The following ENPP3 variants were observed in gnomAD, a reference collection of about 807,000 sequenced individuals.
ENPP3 encodes the protein ectonucleotide pyrophosphatase/phosphodiesterase family member 3.
Under a neutral mutation model 117.8 loss-of-function variants are expected in ENPP3, and 104 were observed. The observed-to-expected ratio is 0.88, with a 90% CI of 0.75 to 1.04. The LOEUF (loss-of-function observed/expected upper bound fraction) is 1.04. Among genes scored for constraint, ENPP3 ranks in the 50% least tolerant of loss-of-function variants. The pLI, the probability that ENPP3 is intolerant of heterozygous loss-of-function variation, is 0.00. For synonymous variants in ENPP3, 380 were observed against 349.9 expected (o/e 1.09, Z -0.96); for missense variants, 1,026 against 1,051.9 (o/e 0.98, Z 0.34).
chr6:131,730,914 C>CAAA (rs528990087), intron 20 of ENPP3, among the ~76,000 whole-genome samples: 1,401 of 98,106 alleles, frequency 0.014, 17 homozygotes, highest in African/African-American at 0.036. Context: ...GACTCCATCT[C>CAAA]AAAAAAAAAA....
chr6:131,688,896 C>CAAAAAAAA (rs34743742), intron 14 of ENPP3, among the ~76,000 whole-genome samples: 1 of 88,298 alleles, frequency 1.1e-5, no homozygotes, highest in African/African-American at 3.6e-5. Context: ...ACTAAAAATC[C>CAAAAAAAA]AAAAAAAAAA....
Position 131,693,495 on chromosome 6 carries a change from A to G in ENPP3, c.1285-2A>G. The stretch of plus-strand genomic sequence containing the variant: ...ATAAAGAAATATTTACTTGCTTTTC[A>G]GTGCCGAAAACCTGATCAGCATTTC... On this transcript the variant is annotated splice_acceptor_variant, in intron 14 of 24. Coordinates refer to ENST00000357639, the MANE Select transcript of ENPP3 (RefSeq NM_005021.5). LOFTEE classifies it high-confidence loss of function. The G allele has an allele frequency of 6.2e-7, 1 of 1,608,734 alleles. No individual in the cohort carries two copies. Among genetic ancestry groups the G allele is most frequent in the Non-Finnish European group, 8.5e-7 (1 of 1,178,114 alleles).
Position 131,637,366 on chromosome 6 carries a change from C to G in ENPP3, c.-19C>G, listed in dbSNP as rs186368204. The G allele has an allele frequency of 4.9e-4, 761 of 1,542,434 alleles. 4 individuals carry two copies. The highest frequency in any genetic ancestry group is 3.6e-5 in the Non-Finnish European group (41 of 1,135,518). ...ACTAATTTATTCTGATAAAACAGGT[C>G]TATGCAGCTACCAGGACAATGGAAT... On this transcript the variant is annotated 5_prime_UTR_variant, in exon 1 of 25. Transcript: ENST00000357639.
chr6:131,724,864 A>G (rs1391964781), intron 19 of ENPP3, among the ~76,000 whole-genome samples: 2 of 151,808 alleles, frequency 1.3e-5, no homozygotes, highest in African/African-American at 2.4e-5. Context: ...GTCCATTCCA[A>G]TTGCTATTAG....
At chr6:131,667,132 C>A (rs1358627143) in intron 6 of ENPP3, among the ~76,000 whole-genome samples, 1 of 151,146 alleles carries the variant, frequency 6.6e-6, no homozygotes, top group Non-Finnish European at 1.5e-5. Context: ...GGTCGTGGGG[C>A]TTTTTTTTTC....
intron 15 of ENPP3, among the ~76,000 whole-genome samples, chr6:131,707,250 A>G (rs1779663224): frequency 6.6e-6 from 1 of 150,950 alleles, no homozygotes; most frequent in African/African-American, 2.4e-5. Context: ...ATATTCCTTG[A>G]TAGTCCTTTG....
chr6:131,700,612 C>T, intron 15 of ENPP3: 2 of 1,553,784 alleles, frequency 1.3e-6, no homozygotes, highest in Non-Finnish European at 1.7e-6. Context: ...TTGGGGTTCC[C>T]ATATCTGGGT....
chr6:131,643,933 GTGTGTGTGTC>G (rs2114292174), intron 2 of ENPP3, among the ~76,000 whole-genome samples: 1 of 143,380 alleles, frequency 7.0e-6, no homozygotes, highest in Non-Finnish European at 1.5e-5. Context: ...CTGTGTGTGT[GTGTGTGTGTC>G]TGTGTGTGTG....
chr6:131,717,350 GGGTGT>G (rs1289381240), intron 15 of ENPP3, among the ~76,000 whole-genome samples: 90 of 52,372 alleles, frequency 1.7e-3, no homozygotes, highest in Non-Finnish European at 1.9e-3. Context: ...ACCCTGCGGG[GGGTGT>G]GTGTGTGTGT....
At chr6:131,653,882 C>G (rs915072293) in intron 5 of ENPP3, among the ~76,000 whole-genome samples, 1 of 152,122 alleles carries the variant, frequency 6.6e-6, no homozygotes, top group African/African-American at 2.4e-5. Context: ...TACCCCACCC[C>G]TCCCATGCAT....
At chr6:131,674,055 A>G (rs1314794588) in intron 7 of ENPP3, 107 bp from the exon 8 acceptor site, 1 of 673,422 alleles carries the variant, frequency 1.5e-6, no homozygotes, top group East Asian at 2.8e-5. Flanking sequence ...ATTGAAAGGT[A>G]TATAGTACCT....
chr6:131,702,376 A>G (rs988498412), intron 15 of ENPP3, among the ~76,000 whole-genome samples: 20 of 151,102 alleles, frequency 1.3e-4, no homozygotes, highest in African/African-American at 4.7e-4. Context: ...ATCTCACAAA[A>G]TCTTTTCTTA....
At chr6:131,728,233 G>C (rs1354984070) in intron 20 of ENPP3, among the ~76,000 whole-genome samples, 1 of 152,032 alleles carries the variant, frequency 6.6e-6, no homozygotes, top group Non-Finnish European at 1.5e-5. Flanking sequence ...GCATACTCAG[G>C]GTCAGTCCTA....
chr6:131,713,153 CTT>C lies in ENPP3; in HGVS notation c.1413-5518_1413-5517del, dbSNP rs775398577. 4.6e-5 allele frequency among the ~76,000 whole-genome samples: 6 copies of C among 131,046 alleles called. 1 individual carries two copies. In the East Asian group the frequency reaches 1.4e-3, roughly 30 times the overall value. 86.0% of individuals were successfully genotyped at this position (131,046 alleles called of 152,430 possible). A position where few individuals can be genotyped will look rare whatever the true frequency, so the allele number is the denominator to read the frequency against. ...GAGCTTCCCTGCACATGCCCTCTCTCTTGTCTGCCATGTAAGATGTGCCTTTG... is the reference window on the plus strand; with the variant it reads ...GAGCTTCCCTGCACATGCCCTCTCTCGTCTGCCATGTAAGATGTGCCTTTG... On this transcript the variant is annotated intron_variant, in intron 15 of 24. Coordinates refer to ENST00000357639, the MANE Select transcript of ENPP3 (RefSeq NM_005021.5).
intron 5 of ENPP3, among the ~76,000 whole-genome samples, chr6:131,657,761 C>A (rs1332910751): frequency 6.6e-6 from 1 of 152,194 alleles, no homozygotes; most frequent in Non-Finnish European, 1.5e-5. Flanking sequence ...GAAGCACAAG[C>A]ATCCTGATAA....
At chr6:131,669,548 C>T (rs1314505380) in intron 6 of ENPP3, among the ~76,000 whole-genome samples, 4 of 150,556 alleles carry the variant, frequency 2.7e-5, no homozygotes. Flanking sequence ...GTGGCAGGCA[C>T]CTGTAGTCCC....
intron 1 of ENPP3, among the ~76,000 whole-genome samples, chr6:131,640,035 G>A (rs1482437418): frequency 6.6e-6 from 1 of 152,002 alleles, no homozygotes; most frequent in South Asian, 2.1e-4. Context: ...TAGAAAACAA[G>A]CCACAAATAT....
At position 131,701,302 on chromosome 6, in the gene ENPP3, A is replaced by G. The variant is rs373466055; in HGVS notation, c.1412+7678A>G. The G allele has an allele frequency of 9.8e-5, 154 of 1,565,630 alleles. 1 individual carries two copies. The African/African-American group carries it at 1.7e-3, about 17-fold the overall frequency. ...CCGTTCCCCAGCAGGGTGAAGACGT[A>G]GAACAGGGAGAAGAGCCCAAAGAGG... On this transcript the variant is annotated intron_variant, in intron 15 of 24. Transcript: ENST00000357639.
chr6:131,722,190 T>A, intron 17 of ENPP3, 37 bp from the exon 18 acceptor site: 1 of 1,505,182 alleles, frequency 6.6e-7, no homozygotes, highest in Non-Finnish European at 9.2e-7. Context: ...TGCTTTCCAG[T>A]GTAAAGCTAC....
Sources: allele counts gnomAD v4.1 joint callset (sites outside exome capture counted in the v4.1 genomes callset), GRCh38; gene constraint gnomAD v4.1.1; transcripts MANE v1.5; gene names NCBI Gene and HGNC (gene_info 2026-07-23, HGNC 2026-07-21).